Variants in RARB observed in about 807,000 individuals in gnomAD.
The protein encoded by RARB is retinoic acid receptor beta.
In RARB, 17 loss-of-function variants were observed where a neutral mutation model predicts 51.9. That is an observed-to-expected ratio of 0.33 (90% CI 0.22 to 0.49). The LOEUF is 0.49. Ranked by LOEUF, RARB falls within the 20% of genes least tolerant of loss-of-function variation. RARB has a pLI of 0.99. For missense variants in RARB, 369 were observed against 550.8 expected, an observed-to-expected ratio of 0.67 and a Z score of 3.30; for synonymous variants, 215 against 195.4, an observed-to-expected ratio of 1.10 and a Z score of -0.84.
intron 3 of RARB, among the ~76,000 whole-genome samples, chr3:25,089,993 A>G (rs967776217): frequency 6.6e-6 from 1 of 152,162 alleles, no homozygotes; most frequent in Non-Finnish European, 1.5e-5. Flanking sequence ...TGTGACTTCT[A>G]TCCAGGTCTA....
At chr3:24,892,439 G>A (rs1703403868) in intron 2 of RARB, among the ~76,000 whole-genome samples, 1 of 152,110 alleles carries the variant, frequency 6.6e-6, no homozygotes, top group African/African-American at 2.4e-5. Context: ...TAGAACTTAT[G>A]AAGGTGGCCA....
intron 3 of RARB, among the ~76,000 whole-genome samples, chr3:25,504,680 A>G (rs1257638752): frequency 7.2e-5 from 11 of 152,156 alleles, no homozygotes; most frequent in Non-Finnish European, 1.5e-5. Context: ...GGAGAAAAAA[A>G]GAAGGATAAA....
intron 3 of RARB, among the ~76,000 whole-genome samples, chr3:25,102,781 G>C (rs1030596548): frequency 6.6e-6 from 1 of 152,142 alleles, no homozygotes; most frequent in South Asian, 2.1e-4. Flanking sequence ...GCTGGGCGCT[G>C]TGGCTCACGC....
intron 5 of RARB, among the ~76,000 whole-genome samples, chr3:25,240,770 A>G (rs1702413084): frequency 6.6e-6 from 1 of 152,064 alleles, no homozygotes; most frequent in Non-Finnish European, 1.5e-5. Flanking sequence ...TGTGTCTATC[A>G]GGGATATTAG....
chr3:25,366,746 T>G (rs143334833), intron 5 of RARB, among the ~76,000 whole-genome samples: 272 of 152,348 alleles, frequency 1.8e-3, no homozygotes, highest in African/African-American at 6.3e-3. Context: ...TGAGCACACA[T>G]GAACTCTCTG....
At chr3:24,884,380 G>A (rs1703231754) in intron 2 of RARB, among the ~76,000 whole-genome samples, 1 of 152,170 alleles carries the variant, frequency 6.6e-6, no homozygotes, top group South Asian at 2.1e-4. Context: ...GCTAGTTTAA[G>A]GGAAAGTACA....
chr3:24,847,235 A>G (rs939208608), intron 1 of RARB, among the ~76,000 whole-genome samples: 3 of 152,214 alleles, frequency 2.0e-5, no homozygotes, highest in Admixed American at 6.5e-5. Flanking sequence ...ACCATTGTTC[A>G]AGAGCAGCTG....
At chr3:25,266,450 G>C (rs68073275) in intron 5 of RARB, among the ~76,000 whole-genome samples, 16,061 of 151,854 alleles carry the variant, frequency 0.11, 1,010 homozygotes, top group South Asian at 0.25. Flanking sequence ...TATATATTAA[G>C]AATATTATAT....
chr3:25,497,789 C>A (rs1238351273), intron 2 of RARB, among the ~76,000 whole-genome samples: 1 of 152,194 alleles, frequency 6.6e-6, no homozygotes, highest in African/African-American at 2.4e-5. Flanking sequence ...AACTTTTGAA[C>A]CTCCTCTTCT....
chr3:25,079,848 GTTTA>G (rs1011650859), intron 3 of RARB, among the ~76,000 whole-genome samples: 64 of 152,182 alleles, frequency 4.2e-4, no homozygotes, highest in African/African-American at 1.5e-3. Context: ...TAAGCTTCTT[GTTTA>G]GTTTTCTTAA....
At chr3:25,170,496 G>A (rs1700626285) in intron 4 of RARB, among the ~76,000 whole-genome samples, 1 of 152,148 alleles carries the variant, frequency 6.6e-6, no homozygotes, top group Non-Finnish European at 1.5e-5. Flanking sequence ...TGGTGATGCT[G>A]ATGTTGCCAG....
chr3:24,886,234 C>G (rs1703263364), intron 2 of RARB, among the ~76,000 whole-genome samples: 1 of 152,052 alleles, frequency 6.6e-6, no homozygotes, highest in Admixed American at 6.6e-5. Context: ...TGCTTTGTAG[C>G]TTGGATATGT....
At chr3:25,346,294 A>G (rs1705391356) in intron 5 of RARB, among the ~76,000 whole-genome samples, 1 of 152,188 alleles carries the variant, frequency 6.6e-6, no homozygotes, top group African/African-American at 2.4e-5. Flanking sequence ...TGAGACAGGG[A>G]GTAAAGTGAA....
At chr3:25,524,054 T>C (rs1698526853) in intron 3 of RARB, among the ~76,000 whole-genome samples, 1 of 152,226 alleles carries the variant, frequency 6.6e-6, no homozygotes, top group African/African-American at 2.4e-5. Flanking sequence ...GACCTCGATA[T>C]ACTATAGGTT....
intron 2 of RARB, among the ~76,000 whole-genome samples, chr3:24,928,644 T>C (rs1438285338): frequency 6.6e-6 from 1 of 152,080 alleles, no homozygotes; most frequent in Non-Finnish European, 1.5e-5. Flanking sequence ...TATTTCATTG[T>C]CTGCTTATGC....
intron 3 of RARB, among the ~76,000 whole-genome samples, chr3:25,074,612 C>A (rs758306324): frequency 6.6e-6 from 1 of 151,990 alleles, no homozygotes; most frequent in Non-Finnish European, 1.5e-5. Context: ...TTTTTAATGG[C>A]TGTTGTTGCT....
chr3:25,596,424 A>G lies in RARB; in HGVS notation c.1155A>G (p.Ala385=), dbSNP rs61733682. ...TCCATTATCTCTTTTGAAAAGGTGCAGAGCGTGTAATTACCTTGAAAATGG... is the reference window on the plus strand; with the variant it reads ...TCCATTATCTCTTTTGAAAAGGTGCGGAGCGTGTAATTACCTTGAAAATGG... ...TDLRSISAKG[A]ERVITLKMEI... is the part of the protein sequence containing the mutation. Residue 385 remains alanine, a synonymous_variant, in exon 8 of 8, where the codon GCA becomes GCG. Coordinates refer to ENST00000330688, the MANE Select transcript of RARB (RefSeq NM_000965.5). 3.5e-3 allele frequency: 5,617 copies of G among 1,609,576 alleles called. 168 individuals are homozygous for G. The African/African-American group carries it at 0.061, about 18-fold the overall frequency.
chr3:25,554,073 G>A (rs942340345), intron 3 of RARB, among the ~76,000 whole-genome samples: 1 of 151,560 alleles, frequency 6.6e-6, no homozygotes, highest in South Asian at 2.1e-4. Flanking sequence ...GAATGTGTGT[G>A]TCTACCTCTG....
intron 1 of RARB, among the ~76,000 whole-genome samples, chr3:25,449,844 T>C (rs569424283): frequency 1.0e-3 from 155 of 151,812 alleles, no homozygotes; most frequent in African/African-American, 3.7e-3. Context: ...CTCCACCTCC[T>C]GGGTTCAAGC....
Sources: gnomAD v4.1 joint callset for allele counts (sites outside exome capture counted in the v4.1 genomes callset) on GRCh38, gnomAD v4.1.1 for gene constraint, MANE v1.5 for transcripts, NCBI Gene and HGNC (gene_info 2026-07-23, HGNC 2026-07-21) for gene names.